Variants in FAM135B observed in about 807,000 individuals in gnomAD.
The protein encoded by FAM135B is family with sequence similarity 135 member B.
In FAM135B, 43 loss-of-function variants were observed where a neutral mutation model predicts 127.7. The observed-to-expected ratio is 0.34, with a 90% CI of 0.26 to 0.43. The LOEUF (loss-of-function observed/expected upper bound fraction) is 0.43. Among genes scored for constraint, FAM135B ranks in the 20% least tolerant of loss-of-function variants. FAM135B has a pLI of 1.00. For missense variants in FAM135B, 1,558 were observed against 1,725.6 expected (o/e 0.90, Z 1.72); for synonymous variants, 670 against 665.1 (o/e 1.01, Z -0.11).
chr8:138,445,603 A>G (rs1037745761), intron 1 of FAM135B, among the ~76,000 whole-genome samples: 9 of 152,056 alleles, frequency 5.9e-5, no homozygotes, highest in Admixed American at 3.3e-4. Flanking sequence ...AAATTCAACA[A>G]CCCTTCATGC....
In FAM135B at chr8:138,152,991, C is replaced by A. The variant is rs2130788024; in HGVS notation, c.1484G>T (p.Cys495Phe). Reference protein sequence around the residue: ...NVATQNHMDMCSESQVYISIG... With the variant: ...NVATQNHMDMFSESQVYISIG... ...TGATATATACACCTGAGATTCAGAG[C>A]ACATGTCCATATGATTTTGTGTGGC... Residue 495 changes from cysteine to phenylalanine, a missense_variant, in exon 13 of 20, where the codon TGC (cysteine) becomes TTC (phenylalanine). Coordinates refer to ENST00000395297, the MANE Select transcript of FAM135B (RefSeq NM_015912.4). 1.2e-6 allele frequency: 2 copies of A among 1,614,202 alleles called. No individual in the cohort carries two copies. The highest frequency in any genetic ancestry group is 1.3e-5 in the African/African-American group (1 of 75,048).
At chr8:138,274,260 A>C (rs1339714804) in intron 3 of FAM135B, among the ~76,000 whole-genome samples, 1 of 152,194 alleles carries the variant, frequency 6.6e-6, no homozygotes, top group Non-Finnish European at 1.5e-5. Flanking sequence ...AGAGTACAAA[A>C]GAGAGAAATT....
At chr8:138,487,134 C>G (rs1815013784) in intron 1 of FAM135B, among the ~76,000 whole-genome samples, 1 of 152,132 alleles carries the variant, frequency 6.6e-6, no homozygotes, top group South Asian at 2.1e-4. Flanking sequence ...CTGCCTCACT[C>G]TAAAGGTTGC....
intron 3 of FAM135B, among the ~76,000 whole-genome samples, chr8:138,287,572 A>G (rs1453798217): frequency 6.6e-6 from 1 of 152,028 alleles, no homozygotes; most frequent in Non-Finnish European, 1.5e-5. Context: ...AAATGGTTAC[A>G]GAATCATCAT....
intron 1 of FAM135B, among the ~76,000 whole-genome samples, chr8:138,454,755 G>T (rs1015079966): frequency 7.9e-5 from 12 of 152,142 alleles, no homozygotes; most frequent in Admixed American, 3.9e-4. Flanking sequence ...ACTTATAATC[G>T]GAAGGAATGG....
chr8:138,470,255 A>T (rs1837605064), intron 1 of FAM135B, among the ~76,000 whole-genome samples: 2 of 152,210 alleles, frequency 1.3e-5, no homozygotes, highest in Admixed American at 1.3e-4. Context: ...CCCAGGAACA[A>T]GAGCAGGAAC....
At chr8:138,451,839 G>A (rs942959534) in intron 1 of FAM135B, among the ~76,000 whole-genome samples, 23 of 152,102 alleles carry the variant, frequency 1.5e-4, no homozygotes, top group African/African-American at 5.3e-4. Context: ...TGGATGGATG[G>A]GTGAACAAAT....
intron 3 of FAM135B, among the ~76,000 whole-genome samples, chr8:138,279,996 G>A (rs1824137446): frequency 1.3e-5 from 2 of 152,132 alleles, no homozygotes; most frequent in South Asian, 4.1e-4. Flanking sequence ...AACCAATATG[G>A]GGACTGGGAG....
intron 3 of FAM135B, among the ~76,000 whole-genome samples, chr8:138,310,328 C>A (rs1207200722): frequency 6.6e-6 from 1 of 152,186 alleles, no homozygotes; most frequent in Non-Finnish European, 1.5e-5. Flanking sequence ...ACTACCTGCT[C>A]AGAGCCCTGG....
Position 138,485,604 on chromosome 8 carries a change from G to T in FAM135B, c.-20+11067C>A, listed in dbSNP as rs151328259. On this transcript the variant is annotated intron_variant, in intron 1 of 19. Coordinates refer to ENST00000395297, the MANE Select transcript of FAM135B (RefSeq NM_015912.4). ...TTATTTTAGAGATAAAGGAACTAAG[G>T]TTAATACAGTTAAAGCAACACGATT... Among the ~76,000 whole-genome samples, 183 of 152,270 alleles carry T rather than the reference G, an allele frequency of 1.2e-3. 1 individual carries two copies. The highest frequency in any genetic ancestry group is 3.8e-3 in the African/African-American group (157 of 41,544).
At chr8:138,451,845 C>A (rs921727255) in intron 1 of FAM135B, among the ~76,000 whole-genome samples, 1 of 152,014 alleles carries the variant, frequency 6.6e-6, no homozygotes, top group Admixed American at 6.6e-5. Flanking sequence ...GATGGGTGAA[C>A]AAATGAATGG....
chr8:138,237,183 CAG>C (rs1820365869), intron 7 of FAM135B, among the ~76,000 whole-genome samples: 1 of 122,620 alleles, frequency 8.2e-6, no homozygotes, highest in South Asian at 2.6e-4. Context: ...TTGTTGGAGA[CAG>C]AGTTTCACTC....
At position 138,176,347 on chromosome 8, in the gene FAM135B, C is replaced by T. The variant is rs182866808; in HGVS notation, c.1103+1000G>A. On this transcript the variant is annotated intron_variant, in intron 11 of 19. Transcript: ENST00000395297. ...TGATATGCAATATTTTTCTCAGTGA[C>T]CCTCACGGTTATGTTTGTATTTGTC... is the stretch of plus-strand genomic sequence containing the variant. Among the ~76,000 whole-genome samples the T allele has an allele frequency of 5.3e-3, 807 of 152,328 alleles. 4 individuals are homozygous for T. Among genetic ancestry groups the T allele is most frequent in the Non-Finnish European group, 7.3e-3 (496 of 68,028 alleles).
chr8:138,395,473 C>T (rs934380393), intron 1 of FAM135B, among the ~76,000 whole-genome samples: 2 of 152,170 alleles, frequency 1.3e-5, no homozygotes, highest in Non-Finnish European at 1.5e-5. Context: ...CCACCATCGG[C>T]TACTTACCAC....
chr8:138,152,214 G>A lies in FAM135B; in HGVS notation c.2261C>T (p.Pro754Leu), dbSNP rs2130760954. 1 of 1,614,116 alleles carries A rather than the reference G, an allele frequency of 6.2e-7. No individual in the cohort carries two copies. Among genetic ancestry groups the A allele is most frequent in the Non-Finnish European group, 8.5e-7 (1 of 1,180,032 alleles). Reference protein sequence around the residue: ...QASLTSISSLPFEEDEREVAL... With the variant: ...QASLTSISSLLFEEDEREVAL... Reference sequence around the variant, plus strand: ...CACCTCCCGCTCATCCTCCTCAAAAGGTAAAGAGCTAATGGAGGTGAGAGA... The same window carrying A: ...CACCTCCCGCTCATCCTCCTCAAAAAGTAAAGAGCTAATGGAGGTGAGAGA... The change falls in exon 13 of 20, where the codon CCT becomes CTT. Residue 754 changes from proline to leucine, a missense_variant. Pro to Leu is a moderately conservative substitution (Grantham distance 98, BLOSUM62 -3). Transcript: ENST00000395297.
chr8:138,262,610 G>A (rs923905423), intron 4 of FAM135B, among the ~76,000 whole-genome samples: 2 of 152,062 alleles, frequency 1.3e-5, no homozygotes, highest in African/African-American at 2.4e-5. Flanking sequence ...TTTAGAAAAA[G>A]CAACTAACGG....
chr8:138,304,691 G>A (rs1436973993), intron 3 of FAM135B, among the ~76,000 whole-genome samples: 3 of 152,176 alleles, frequency 2.0e-5, no homozygotes, highest in South Asian at 2.1e-4. Context: ...CTGAAGGAGG[G>A]CCCTAGTTGG....
intron 1 of FAM135B, among the ~76,000 whole-genome samples, chr8:138,373,753 G>A (rs189130768): frequency 6.6e-6 from 1 of 152,096 alleles, no homozygotes; most frequent in Admixed American, 6.6e-5. Context: ...CTTGGGTGTG[G>A]CCGTCTTCTA....
rs1046468235 is a variant in FAM135B at position 138,243,501 on chromosome 8, G to A, written c.543-433C>T. On this transcript the variant is annotated intron_variant, in intron 6 of 19. Transcript: ENST00000395297. The surrounding 1 kb of genome is among the most constrained non-coding windows in gnomAD (Gnocchi z 7.5). ...TGGACCTCTTTTCTTCTGTGGAAAA[G>A]CATAAAACATCTTCCTCCATGATCC... 2.6e-5 allele frequency among the ~76,000 whole-genome samples: 4 copies of A among 152,134 alleles called. No individual in the cohort carries two copies. The highest frequency in any genetic ancestry group is 9.7e-5 in the African/African-American group (4 of 41,432).
Sources: gnomAD v4.1 joint callset for allele counts (sites outside exome capture counted in the v4.1 genomes callset) on GRCh38, gnomAD v4.1.1 for gene constraint, Gnocchi (gnomAD v3.1) non-coding constraint, MANE v1.5 for transcripts, NCBI Gene and HGNC (gene_info 2026-07-23, HGNC 2026-07-21) for gene names.